Variants in CNGA3 observed in about 807,000 individuals in gnomAD.
CNGA3 encodes the protein cyclic nucleotide gated channel subunit alpha 3.
Under a neutral mutation model 46.6 loss-of-function variants are expected in CNGA3, and 42 were observed. That is an observed-to-expected ratio of 0.90 (90% CI 0.70 to 1.17). The LOEUF (loss-of-function observed/expected upper bound fraction) is 1.17. Among genes scored for constraint, CNGA3 ranks in the 50% most tolerant of loss-of-function variants. The pLI, the probability that CNGA3 is intolerant of heterozygous loss-of-function variation, is 0.00. For missense variants in CNGA3, 893 were observed against 890.7 expected (o/e 1.00, Z -0.03); for synonymous variants, 394 against 369.4 (o/e 1.07, Z -0.76).
Position 98,396,862 on chromosome 2 carries a change from G to A in CNGA3, c.1692G>A (p.Arg564=), listed in dbSNP as rs765358532. Reference sequence around the variant, plus strand: ...AGGGGAGCAAGTCGGGGAACCGCAGGACGGCCAACATCCGCAGCATTGGCT... The same window carrying A: ...AGGGGAGCAAGTCGGGGAACCGCAGAACGGCCAACATCCGCAGCATTGGCT... The part of the protein sequence containing the change: ...NIKGSKSGNR[R]TANIRSIGYS... The change falls in exon 8 of 8, where the codon AGG becomes AGA. Residue 564 remains arginine (R), a synonymous_variant. Transcript: ENST00000272602. The A allele has an allele frequency of 6.2e-7, 1 of 1,614,180 alleles. No homozygotes were observed. The highest frequency in any genetic ancestry group is 1.1e-5 in the South Asian group (1 of 91,080).
intron 1 of CNGA3, among the ~76,000 whole-genome samples, chr2:98,367,246 G>A (rs970256916): frequency 1.3e-5 from 2 of 148,696 alleles, no homozygotes; most frequent in African/African-American, 5.0e-5. Context: ...GAGGGCAGGA[G>A]TGCAGTGGCG....
chr2:98,385,302 C>G (rs1251745733), intron 5 of CNGA3, among the ~76,000 whole-genome samples: 1 of 152,224 alleles, frequency 6.6e-6, no homozygotes, highest in Non-Finnish European at 1.5e-5. Flanking sequence ...GAAAAGAGAC[C>G]AGGGTTCACA....
In CNGA3 at chr2:98,358,533, T is replaced by C. The variant is rs1691944131; in HGVS notation, c.-37-11406T>C. Among the ~76,000 whole-genome samples, 5 of 152,174 alleles carry C rather than the reference T, an allele frequency of 3.3e-5. No homozygotes were observed. The South Asian group carries it at 1.0e-3, about 32-fold the overall frequency. ...AGCTTCTGGGTACAGCTACCAGTAG[T>C]AGATAACATTTTAAAGTTGGAATTA... On this transcript the variant is annotated intron_variant, in intron 1 of 7. Coordinates refer to ENST00000272602, the MANE Select transcript of CNGA3 (RefSeq NM_001298.3).
At chr2:98,376,640 T>C (rs947384141) in intron 2 of CNGA3, among the ~76,000 whole-genome samples, 5 of 152,160 alleles carry the variant, frequency 3.3e-5, no homozygotes, top group Non-Finnish European at 7.3e-5. Context: ...TGACTTCTAA[T>C]CAATCACCAG....
At chr2:98,390,024 C>G (rs1295030915) in intron 6 of CNGA3, among the ~76,000 whole-genome samples, 1 of 152,206 alleles carries the variant, frequency 6.6e-6, no homozygotes, top group Non-Finnish European at 1.5e-5. Context: ...GTGGGGCCCC[C>G]TCAAGTGAGT....
chr2:98,382,586 G>T (rs970069782), intron 4 of CNGA3, among the ~76,000 whole-genome samples: 1 of 152,218 alleles, frequency 6.6e-6, no homozygotes, highest in Non-Finnish European at 1.5e-5. Context: ...CAGTTCCCGT[G>T]GTCTCCTATG....
At chr2:98,359,680 A>G (rs1221166084) in intron 1 of CNGA3, among the ~76,000 whole-genome samples, 1 of 152,074 alleles carries the variant, frequency 6.6e-6, no homozygotes, top group African/African-American at 2.4e-5. Context: ...CTAGGTCCAC[A>G]CCACGTCAAA....
At chr2:98,354,336 A>G (rs1433692399) in intron 1 of CNGA3, among the ~76,000 whole-genome samples, 1 of 151,972 alleles carries the variant, frequency 6.6e-6, no homozygotes, top group African/African-American at 2.4e-5. Flanking sequence ...TTTGATTTGT[A>G]TTTCCTCATG....
At chr2:98,366,595 T>C (rs569956158) in intron 1 of CNGA3, among the ~76,000 whole-genome samples, 1 of 152,260 alleles carries the variant, frequency 6.6e-6, no homozygotes, top group East Asian at 1.9e-4. Context: ...GTTGCTGAAA[T>C]TCCAGCGGGG....
chr2:98,356,839 T>C (rs1234691372), intron 1 of CNGA3, among the ~76,000 whole-genome samples: 1 of 152,206 alleles, frequency 6.6e-6, no homozygotes, highest in Non-Finnish European at 1.5e-5. Context: ...GGGCTCGAAA[T>C]GTTTGGCCCT....
chr2:98,359,619 G>C lies in CNGA3; in HGVS notation c.-37-10320G>C, dbSNP rs184808850. The stretch of plus-strand genomic sequence containing the variant: ...GCCTGAGAGCAGGAAGTCATGAGGA[G>C]AGCTGATCTCTGGTTCCCTGCCCAC... On this transcript the variant is annotated intron_variant, in intron 1 of 7. Coordinates refer to ENST00000272602, the MANE Select transcript of CNGA3 (RefSeq NM_001298.3). 9.9e-5 allele frequency among the ~76,000 whole-genome samples: 15 copies of C among 152,278 alleles called. No homozygotes were observed. In the East Asian group the frequency reaches 2.7e-3, roughly 27 times the overall value.
intron 5 of CNGA3, among the ~76,000 whole-genome samples, chr2:98,385,845 C>T (rs566804014): frequency 4.6e-5 from 7 of 152,234 alleles, no homozygotes; most frequent in Admixed American, 6.5e-5. Flanking sequence ...GAGTCTCAAA[C>T]GGCAGGAGCA....
At chr2:98,384,267 T>C (rs1166319743) in intron 5 of CNGA3, among the ~76,000 whole-genome samples, 2 of 152,182 alleles carry the variant, frequency 1.3e-5, no homozygotes, top group Non-Finnish European at 2.9e-5. Flanking sequence ...AATTTAAATA[T>C]GTCCAGAGAA....
chr2:98,382,382 C>T (rs1692559283), intron 4 of CNGA3, among the ~76,000 whole-genome samples: 1 of 152,202 alleles, frequency 6.6e-6, no homozygotes, highest in African/African-American at 2.4e-5. Flanking sequence ...CACGGCGGTT[C>T]CAGTTCCTGG....
In CNGA3 at chr2:98,380,161, G is replaced by C. The variant is rs1692503538; in HGVS notation, c.216-14G>C. On this transcript the variant is annotated splice_polypyrimidine_tract_variant and intron_variant, in intron 3 of 7. Transcript: ENST00000272602. The stretch of plus-strand genomic sequence containing the variant: ...TTCCTCTCCCTCTGGCTCAGTGCTT[G>C]TGTCACCTTCCAGGCTGTCGCGCCT... 5 of 1,613,820 alleles carry C rather than the reference G, an allele frequency of 3.1e-6. No individual in the cohort carries two copies. The highest frequency in any genetic ancestry group is 1.3e-5 in the African/African-American group (1 of 74,926).
intron 1 of CNGA3, among the ~76,000 whole-genome samples, chr2:98,366,585 G>A (rs1471241706): frequency 6.6e-6 from 1 of 152,236 alleles, no homozygotes; most frequent in Non-Finnish European, 1.5e-5. Flanking sequence ...CCTGGCTGGG[G>A]TTGCTGAAAT....
intron 5 of CNGA3, among the ~76,000 whole-genome samples, chr2:98,384,291 G>A (rs966549885): frequency 6.6e-6 from 1 of 152,158 alleles, no homozygotes; most frequent in African/African-American, 2.4e-5. Flanking sequence ...CCTCTTCAAA[G>A]GGTGACCTGC....
intron 1 of CNGA3, among the ~76,000 whole-genome samples, chr2:98,367,184 T>TC (rs1553447818): frequency 7.6e-6 from 1 of 131,116 alleles, no homozygotes. Flanking sequence ...TTCTTTTTTT[T>TC]CTTTTTTTTT....
At chr2:98,357,077 C>G (rs1365775344) in intron 1 of CNGA3, among the ~76,000 whole-genome samples, 5 of 152,202 alleles carry the variant, frequency 3.3e-5, no homozygotes, top group African/African-American at 1.2e-4. Context: ...ATCACACGCT[C>G]TACTACCTAC....
Sources: gnomAD v4.1 joint callset for allele counts (sites outside exome capture counted in the v4.1 genomes callset) on GRCh38, gnomAD v4.1.1 for gene constraint, MANE v1.5 for transcripts, NCBI Gene and HGNC (gene_info 2026-07-23, HGNC 2026-07-21) for gene names.